Variants in GPR183 observed in about 807,000 individuals in gnomAD.
GPR183 encodes EBV-induced G-protein coupled receptor 2.
GPR183 carries 9 observed loss-of-function variants against 19.7 expected under a neutral mutation model. That is an observed-to-expected ratio of 0.46 (90% CI 0.28 to 0.80). The LOEUF is 0.80. GPR183 is among the 30% of genes least tolerant of loss of function. GPR183 has a pLI of 0.13. For missense variants in GPR183, 368 were observed against 446.7 expected, an observed-to-expected ratio of 0.82 and a Z score of 1.59; for synonymous variants, 160 against 155.1, an observed-to-expected ratio of 1.03 and a Z score of -0.24.
At chr13:99,300,193 A>G (rs1399039005) in intron 1 of GPR183, among the ~76,000 whole-genome samples, 3 of 152,212 alleles carry the variant, frequency 2.0e-5, no homozygotes, top group Non-Finnish European at 2.9e-5. Context: ...CACATCATTG[A>G]GCTCCAAGGG....
At chr13:99,305,400 A>G (rs997500917) in intron 1 of GPR183, among the ~76,000 whole-genome samples, 1 of 152,182 alleles carries the variant, frequency 6.6e-6, no homozygotes, top group Non-Finnish European at 1.5e-5. Context: ...AGGGCTGCCT[A>G]ACAACTCCAG....
intron 1 of GPR183, among the ~76,000 whole-genome samples, chr13:99,297,414 A>G (rs556069359): frequency 4.6e-5 from 7 of 152,280 alleles, no homozygotes; most frequent in African/African-American, 1.4e-4. Flanking sequence ...CTTAAAGACT[A>G]TCTCTACCCT....
In GPR183 at chr13:99,295,926, C is replaced by T. The variant is rs781261354; in HGVS notation, c.220G>A (p.Val74Met). 3 of 1,613,670 alleles carry T rather than the reference C, an allele frequency of 1.9e-6. No homozygotes were observed. Among genetic ancestry groups the T allele is most frequent in the Admixed American group, 1.7e-5 (1 of 59,976 alleles). The change falls in exon 2 of 2, where the codon GTG becomes ATG. Residue 74 changes from valine to methionine, a missense_variant. Val to Met is a conservative substitution (Grantham distance 21). Transcript: ENST00000376414. This position sits in a 1 kb window ranked among gnomAD's most constrained non-coding sequence, Gnocchi z 4.1. ...NSTTLYSTNL[V>M]ISDILFTTAL... ...GTGGTAAAAAGTATATCAGAAATCA[C>T]CAAATTTGTTGAATAGAGGGTGGTA...
At chr13:99,299,695 C>A (rs1160179007) in intron 1 of GPR183, among the ~76,000 whole-genome samples, 1 of 152,058 alleles carries the variant, frequency 6.6e-6, no homozygotes, top group African/African-American at 2.4e-5. Context: ...TCAAAGCTTG[C>A]TGTTCAGTGT....
At chr13:99,297,637 A>G (rs893245007) in intron 1 of GPR183, among the ~76,000 whole-genome samples, 3 of 152,154 alleles carry the variant, frequency 2.0e-5, no homozygotes, top group Non-Finnish European at 4.4e-5. Flanking sequence ...AACCTAAAGC[A>G]AAAGAGAGCA....
intron 1 of GPR183, among the ~76,000 whole-genome samples, chr13:99,304,913 G>A (rs903928092): frequency 2.6e-5 from 4 of 152,160 alleles, no homozygotes; most frequent in African/African-American, 4.8e-5. Flanking sequence ...AAACCTTAAC[G>A]TACACTAACT....
At chr13:99,299,310 A>G (rs1200958741) in intron 1 of GPR183, among the ~76,000 whole-genome samples, 1 of 152,256 alleles carries the variant, frequency 6.6e-6, no homozygotes, top group East Asian at 1.9e-4. Flanking sequence ...AGTAGAATAC[A>G]GGAATACAGC....
chr13:99,300,559 C>G (rs945490981), intron 1 of GPR183, among the ~76,000 whole-genome samples: 7 of 152,196 alleles, frequency 4.6e-5, no homozygotes, highest in African/African-American at 1.7e-4. Flanking sequence ...AGAGATATTA[C>G]TTTATATCTT....
intron 1 of GPR183, among the ~76,000 whole-genome samples, chr13:99,302,545 G>A (rs1275119552): frequency 1.3e-5 from 2 of 152,198 alleles, no homozygotes; most frequent in Non-Finnish European, 2.9e-5. Context: ...TCAAACAGGG[G>A]CATCTAAATT....
intron 1 of GPR183, among the ~76,000 whole-genome samples, chr13:99,300,114 CCTT>C (rs1196728156): frequency 6.6e-6 from 1 of 152,206 alleles, no homozygotes; most frequent in East Asian, 1.9e-4. Flanking sequence ...AGGGACAACT[CCTT>C]CTAAGGGCAG....
chr13:99,304,364 G>T (rs1035180663), intron 1 of GPR183, among the ~76,000 whole-genome samples: 4 of 152,072 alleles, frequency 2.6e-5, no homozygotes, highest in South Asian at 4.2e-4. Flanking sequence ...CCTCTGAAAG[G>T]CAGTGTGGGT....
At chr13:99,298,515 C>T (rs2044210170) in intron 1 of GPR183, among the ~76,000 whole-genome samples, 1 of 151,978 alleles carries the variant, frequency 6.6e-6, no homozygotes, top group African/African-American at 2.4e-5. Flanking sequence ...GATATAAAGC[C>T]TTGAATGCAT....
In GPR183 at chr13:99,295,340, A is replaced by G; in HGVS notation, c.806T>C (p.Ile269Thr). ...PYHVAIIQHM[I>T]KKLRFSNFLE... is the part of the protein sequence containing the mutation. ...GAAATTAGAGAAACGAAGCTTCTTA[A>G]TCATATGTTGAATAATTGCAACATG... Residue 269 changes from isoleucine (I) to threonine (T), a missense_variant, in exon 2 of 2, where the codon ATT becomes ACT. Physicochemically the swap from Ile to Thr is moderately conservative, Grantham distance 89. Coordinates refer to ENST00000376414, the MANE Select transcript of GPR183 (RefSeq NM_004951.5). This position sits in a 1 kb window ranked among gnomAD's most constrained non-coding sequence, Gnocchi z 4.1. 1 of 1,614,130 alleles carries G rather than the reference A, an allele frequency of 6.2e-7. No individual in the cohort carries two copies. Among genetic ancestry groups the G allele is most frequent in the Non-Finnish European group, 8.5e-7 (1 of 1,180,002 alleles).
chr13:99,305,438 G>T (rs2044319165), intron 1 of GPR183, among the ~76,000 whole-genome samples: 1 of 152,202 alleles, frequency 6.6e-6, no homozygotes, highest in African/African-American at 2.4e-5. Context: ...AGAGAGAAAA[G>T]TATCCCTGTA....
intron 1 of GPR183, among the ~76,000 whole-genome samples, chr13:99,297,080 A>G (rs1474126340): frequency 6.6e-6 from 1 of 152,184 alleles, no homozygotes; most frequent in Non-Finnish European, 1.5e-5. Context: ...GTCAATGCAT[A>G]ATTTGCTTAG....
At position 99,295,808 on chromosome 13, in the gene GPR183, A is replaced by G; in HGVS notation, c.338T>C (p.Ile113Thr). 1 of 1,611,598 alleles carries G rather than the reference A, an allele frequency of 6.2e-7. No homozygotes were observed. The highest frequency in any genetic ancestry group is 8.5e-7 in the Non-Finnish European group (1 of 1,178,134). The part of the protein sequence containing the change: ...LCRITALVFY[I>T]NTYAGVNFMT... ...AAAGTTCACACCTGCATATGTGTTG[A>G]TGTAAAACACTAGCGCAGTTATCCT... Residue 113 changes from isoleucine to threonine, a missense_variant, in exon 2 of 2, where the codon ATC becomes ACC. Transcript: ENST00000376414. This position sits in a 1 kb window ranked among gnomAD's most constrained non-coding sequence, Gnocchi z 4.1.
intron 1 of GPR183, among the ~76,000 whole-genome samples, chr13:99,298,246 G>T (rs1489136737): frequency 6.6e-6 from 1 of 152,150 alleles, no homozygotes; most frequent in Non-Finnish European, 1.5e-5. Flanking sequence ...ATGCAAATTT[G>T]ACCATGTGCT....
At chr13:99,303,909 C>T (rs2044292672) in intron 1 of GPR183, among the ~76,000 whole-genome samples, 1 of 152,184 alleles carries the variant, frequency 6.6e-6, no homozygotes, top group Admixed American at 6.5e-5. Flanking sequence ...TGTTCTCCCT[C>T]ACCTGCTGCC....
chr13:99,305,843 C>A (rs2044325048), intron 1 of GPR183, among the ~76,000 whole-genome samples: 1 of 152,116 alleles, frequency 6.6e-6, no homozygotes, highest in African/African-American at 2.4e-5. Context: ...GCAGTCCTAC[C>A]AGTAAGCACA....
Sources: gnomAD v4.1 joint callset for allele counts (sites outside exome capture counted in the v4.1 genomes callset) on GRCh38, gnomAD v4.1.1 for gene constraint, Gnocchi (gnomAD v3.1) non-coding constraint, MANE v1.5 for transcripts, NCBI Gene and HGNC (gene_info 2026-07-23, HGNC 2026-07-21) for gene names.